The following JSRP1 variants were observed in gnomAD, a reference collection of about 807,000 sequenced individuals.
The protein encoded by JSRP1 is 2310032K21Rik.
Under a neutral mutation model 21.4 loss-of-function variants are expected in JSRP1, and 29 were observed. The ratio of observed to expected loss-of-function variants is 1.36; its 90% confidence interval spans 1.01 to 1.85. JSRP1 has a LOEUF of 1.85. JSRP1 is among the 40% of genes most tolerant of loss of function. JSRP1 has a pLI of 0.00. For synonymous variants in JSRP1, 221 were observed against 206.1 expected, an observed-to-expected ratio of 1.07 and a Z score of -0.62; for missense variants, 531 against 461.5, an observed-to-expected ratio of 1.15 and a Z score of -1.38.
chr19:2,254,501 A>G lies in JSRP1; in HGVS notation c.110-19T>C, dbSNP rs768569542. 2.5e-6 allele frequency: 4 copies of G among 1,612,288 alleles called. No homozygotes were observed. Among genetic ancestry groups the G allele is most frequent in the African/African-American group, 1.3e-5 (1 of 74,908 alleles). On this transcript the variant is annotated intron_variant, in intron 2 of 6. Transcript: ENST00000300961. The stretch of plus-strand genomic sequence containing the variant: ...GGTGTCGCTGTGGGAACACAGGCAG[A>G]GTCAAGGTTGTGGGGACCCCCAGGC...
chr19:2,252,702 G>A lies in JSRP1; in HGVS notation c.623C>T (p.Ala208Val). Reference protein sequence around the residue: ...RPKIPGSREAAENDEEEPGEA... With the variant: ...RPKIPGSREAVENDEEEPGEA... The stretch of plus-strand genomic sequence containing the variant: ...GCCGGGCTCCTCTTCGTCGTTCTCT[G>A]CAGCCTCCCGACTCCCGGGAATCTT... The change falls in exon 7 of 7, where the codon GCA (alanine) becomes GTA (valine). Residue 208 changes from alanine to valine, a missense_variant. Physicochemically the swap from Ala to Val is moderately conservative, Grantham distance 64 (BLOSUM62 0). Coordinates refer to ENST00000300961, the MANE Select transcript of JSRP1 (RefSeq NM_144616.4). 1 of 1,612,318 alleles carries A rather than the reference G, an allele frequency of 6.2e-7. No homozygotes were observed. The highest frequency in any genetic ancestry group is 8.5e-7 in the Non-Finnish European group (1 of 1,179,926).
At chr19:2,253,260 G>A (rs1208414600) in intron 5 of JSRP1, among the ~76,000 whole-genome samples, 1 of 152,226 alleles carries the variant, frequency 6.6e-6, no homozygotes, top group Non-Finnish European at 1.5e-5. Flanking sequence ...CCCTAGCAAG[G>A]GAGGGGTCGC....
At position 2,252,323 on chromosome 19, in the gene JSRP1, G is replaced by A; in HGVS notation, c.*6C>T. The A allele has an allele frequency of 5.5e-6, 8 of 1,458,588 alleles. No individual in the cohort carries two copies. The highest frequency in any genetic ancestry group is 1.4e-5 in the African/African-American group (1 of 70,068). The allele number at this position is 1,458,588 out of a possible 1,614,324, so 90.4% of individuals were successfully genotyped here. ...AGGGGCCCCTGGACTCCGGCGCGGG[G>A]CCGGCTCAGTCCCGCCCCTTGCCTG... is the stretch of plus-strand genomic sequence containing the variant. On this transcript the variant is annotated 3_prime_UTR_variant, in exon 7 of 7. Coordinates refer to ENST00000300961, the MANE Select transcript of JSRP1 (RefSeq NM_144616.4).
intron 6 of JSRP1, 30 bp downstream of exon 6, chr19:2,252,882 T>C (rs2025082065): frequency 6.2e-7 from 1 of 1,602,128 alleles, no homozygotes; most frequent in Non-Finnish European, 8.5e-7. Context: ...AAGGTCCCAA[T>C]GCCCGCGGTC....
chr19:2,254,128 T>G, intron 4 of JSRP1, 59 bp downstream of exon 4: 1 of 1,322,120 alleles, frequency 7.6e-7, no homozygotes, highest in East Asian at 2.3e-5. Flanking sequence ...CTCCGGCACC[T>G]GAGCCTCACA....
chr19:2,254,110 G>A lies in JSRP1; in HGVS notation c.262+77C>T, dbSNP rs2025111861. The A allele has an allele frequency of 1.5e-5, 17 of 1,158,476 alleles. No individual in the cohort carries two copies. In the South Asian group the frequency reaches 2.1e-4, roughly 14 times the overall value. 71.8% of individuals were successfully genotyped at this position (1,158,476 alleles called of 1,614,324 possible). The stretch of plus-strand genomic sequence containing the variant: ...CAGGACACCACCCTCCAAGATCCAA[G>A]GACCCAGCTCCGGCACCTGAGCCTC... On this transcript the variant is annotated intron_variant, in intron 4 of 6. Transcript: ENST00000300961.
In JSRP1 at chr19:2,252,519, G is replaced by A; in HGVS notation, c.806C>T (p.Ala269Val). The A allele has an allele frequency of 6.2e-7, 1 of 1,612,674 alleles. No individual in the cohort carries two copies. The highest frequency in any genetic ancestry group is 8.5e-7 in the Non-Finnish European group (1 of 1,179,900). ...ERPRKEERPR[A>V]AREPREALPQ... ...TAGGGCTTCCCGGGGCTCCCTGGCG[G>A]CCCGTGGCCTCTCCTCTTTCCGCGG... The change falls in exon 7 of 7, where the codon GCC becomes GTC. Residue 269 changes from alanine to valine, a missense_variant. Physicochemically the swap from Ala to Val is moderately conservative, Grantham distance 64 (BLOSUM62 0). Transcript: ENST00000300961.
Position 2,254,226 on chromosome 19 carries a change from T to C in JSRP1, c.223A>G (p.Thr75Ala). 6.2e-7 allele frequency: 1 copy of C among 1,606,112 alleles called. No homozygotes were observed. The highest frequency in any genetic ancestry group is 8.5e-7 in the Non-Finnish European group (1 of 1,176,468). ...AGCCTCTCCTTCCCCGTTCCTGGGG[T>C]CCCCCTGGCGGCAGGCTCTTTTTCC... Reference protein sequence around the residue: ...KMEKEPAARGTPGTGKERLKA... With the variant: ...KMEKEPAARGAPGTGKERLKA... The change falls in exon 4 of 7, where the codon ACC becomes GCC. Residue 75 changes from threonine to alanine, a missense_variant. By Grantham distance (58) the Thr-to-Ala change is moderately conservative. Coordinates refer to ENST00000300961, the MANE Select transcript of JSRP1 (RefSeq NM_144616.4).
At chr19:2,255,400 G>T (rs1159616092) in intron 1 of JSRP1, 56 bp from the exon 2 acceptor site, 2 of 796,158 alleles carry the variant, frequency 2.5e-6, no homozygotes, top group Non-Finnish European at 2.0e-6. Flanking sequence ...CACAGGCCTG[G>T]GCCTGACCTG....
Position 2,252,590 on chromosome 19 carries a change from C to T in JSRP1, c.735G>A (p.Pro245=). 1 of 1,612,784 alleles carries T rather than the reference C, an allele frequency of 6.2e-7. No homozygotes were observed. Among genetic ancestry groups the T allele is most frequent in the Non-Finnish European group, 8.5e-7 (1 of 1,179,898 alleles). Residue 245 remains proline, a synonymous_variant, in exon 7 of 7, where the codon CCG becomes CCA. Coordinates refer to ENST00000300961, the MANE Select transcript of JSRP1 (RefSeq NM_144616.4). ...PKERPRREGK[P]RKEKPRKEER... ...CCTCCTTCCGCGGCTTCTCCTTCCG[C>T]GGCTTCCCCTCTCTCCGAGGCCTCT...
At chr19:2,254,334 C>T (rs759863884) in intron 3 of JSRP1, 33 bp from the exon 4 acceptor site, 1 of 1,594,998 alleles carries the variant, frequency 6.3e-7, no homozygotes, top group Non-Finnish European at 8.6e-7. Context: ...CACATGTTTC[C>T]TTCCAGTGCC....
In JSRP1 at chr19:2,254,178, C is replaced by T; in HGVS notation, c.262+9G>A. 6.3e-7 allele frequency: 1 copy of T among 1,594,264 alleles called. No homozygotes were observed. The highest frequency in any genetic ancestry group is 8.5e-7 in the Non-Finnish European group (1 of 1,170,488). On this transcript the variant is annotated intron_variant, in intron 4 of 6. Coordinates refer to ENST00000300961, the MANE Select transcript of JSRP1 (RefSeq NM_144616.4). ...CCCCACACCTCACCCATGCCTCCTG[C>T]AAACCCACTCGCTCCGGCTTTCAGC... is the stretch of plus-strand genomic sequence containing the variant.
rs550026287 is a variant in JSRP1, at chr19:2,254,481, C to T, written c.111G>A (p.Ala37=). ...LAETQEDRAS[A]TPRLADSGSV... is the part of the protein sequence containing the mutation. ...TGCCGGAGTCGGCCAGCCTGGGTGT[C>T]GCTGTGGGAACACAGGCAGAGTCAA... is the stretch of plus-strand genomic sequence containing the variant. Residue 37 remains alanine (A), a splice_region_variant and synonymous_variant, in exon 3 of 7, where the codon GCG becomes GCA. Transcript: ENST00000300961. 1.7e-5 allele frequency: 28 copies of T among 1,612,762 alleles called. No homozygotes were observed. Among genetic ancestry groups the T allele is most frequent in the African/African-American group, 6.7e-5 (5 of 75,060 alleles).
chr19:2,252,486 C>A lies in JSRP1; in HGVS notation c.839G>T (p.Arg280Leu), dbSNP rs779294498. ...AREPREALPQRWESREGGHRP... is the reference protein window; with the variant it reads ...AREPREALPQLWESREGGHRP... ...GTGGCCCCCTTCGCGTGACTCCCAGCGCTGGGGTAGGGCTTCCCGGGGCTC... is the reference window on the plus strand; with the variant it reads ...GTGGCCCCCTTCGCGTGACTCCCAGAGCTGGGGTAGGGCTTCCCGGGGCTC... Residue 280 changes from arginine (R) to leucine (L), a missense_variant, in exon 7 of 7, where the codon CGC becomes CTC. Transcript: ENST00000300961. 3 of 1,612,210 alleles carry A rather than the reference C, an allele frequency of 1.9e-6. No homozygotes were observed. Among genetic ancestry groups the A allele is most frequent in the East Asian group, 2.2e-5 (1 of 44,844 alleles).
intron 4 of JSRP1, 119 bp from the exon 5 acceptor site, chr19:2,253,912 C>A (rs992043222): frequency 8.5e-7 from 1 of 1,175,106 alleles, no homozygotes; most frequent in East Asian, 3.0e-5. Context: ...CCTGCCTGTG[C>A]GGCCCCGGGC....
At chr19:2,253,388 C>A (rs2145037018) in intron 5 of JSRP1, among the ~76,000 whole-genome samples, 1 of 152,338 alleles carries the variant, frequency 6.6e-6, no homozygotes, top group South Asian at 2.1e-4. Flanking sequence ...GAAGCCAGAA[C>A]CTACTCGCGG....
At position 2,254,226 on chromosome 19, in the gene JSRP1, TC is replaced by T; in HGVS notation, c.222del (p.Thr75ProfsTer9). 1.9e-6 allele frequency: 3 copies of T among 1,606,098 alleles called. No homozygotes were observed. Among genetic ancestry groups the T allele is most frequent in the Non-Finnish European group, 1.7e-6 (2 of 1,176,460 alleles). On this transcript the variant is annotated frameshift_variant, in exon 4 of 7. Coordinates refer to ENST00000300961, the MANE Select transcript of JSRP1 (RefSeq NM_144616.4). LOFTEE classifies it high-confidence loss of function. The stretch of plus-strand genomic sequence containing the variant: ...AGCCTCTCCTTCCCCGTTCCTGGGG[TC>T]CCCCTGGCGGCAGGCTCTTTTTCCA... ...KKMEKEPAAR[G>X]TPGTGKERLK...
In JSRP1 at chr19:2,254,562, G is replaced by A. The variant is rs1054746834; in HGVS notation, c.110-80C>T. ...CTCTCCCCTGGCCCTGCTGGGTGAC[G>A]TGCGGGTGACTAACCCCATCTTATA... On this transcript the variant is annotated intron_variant, in intron 2 of 6. Transcript: ENST00000300961. 11 of 1,518,756 alleles carry A rather than the reference G, an allele frequency of 7.2e-6. No homozygotes were observed. In the African/African-American group the frequency reaches 1.1e-4, roughly 15 times the overall value. The allele number at this position is 1,518,756 out of a possible 1,614,324, so 94.1% of individuals were successfully genotyped here. A position where few individuals can be genotyped will look rare whatever the true frequency, so the allele number is the denominator to read the frequency against.
Position 2,255,187 on chromosome 19 carries a change from G to A in JSRP1, c.109+19C>T, listed in dbSNP as rs755826632. On this transcript the variant is annotated intron_variant, in intron 2 of 6. Transcript: ENST00000300961. ...GACCATCAGGGAAGGGCTTCCTCCC[G>A]CCAGCGCCACAAGGGTACCTGAAGC... is the stretch of plus-strand genomic sequence containing the variant. 17 of 1,549,548 alleles carry A rather than the reference G, an allele frequency of 1.1e-5. No individual in the cohort carries two copies. The highest frequency in any genetic ancestry group is 8.0e-5 in the South Asian group (7 of 87,754).
Sources: gnomAD v4.1 joint callset for allele counts (sites outside exome capture counted in the v4.1 genomes callset) on GRCh38, gnomAD v4.1.1 for gene constraint, MANE v1.5 for transcripts, NCBI Gene and HGNC (gene_info 2026-07-23, HGNC 2026-07-21) for gene names.